The following PHYKPL variants were observed in gnomAD, a reference collection of about 807,000 sequenced individuals.
PHYKPL encodes 5-phosphohydroxy-L-lysine phospho-lyase, also known as 5-phosphonooxy-L-lysine phospho-lyase.
A neutral mutation model predicts 51.3 loss-of-function variants in PHYKPL; 42 were observed. That is an observed-to-expected ratio of 0.82 (90% CI 0.64 to 1.06). The LOEUF (loss-of-function observed/expected upper bound fraction) is 1.06. PHYKPL is among the 50% of genes least tolerant of loss of function. PHYKPL has a pLI of 0.00. For synonymous variants in PHYKPL, 264 were observed against 236.0 expected (o/e 1.12, Z -1.09); for missense variants, 655 against 586.6 (o/e 1.12, Z -1.20).
intron 12 of PHYKPL, chr5:178,210,785 T>TC: frequency 1.5e-6 from 1 of 654,664 alleles, no homozygotes. Flanking sequence ...GTTGACTATT[T>TC]CCAGAGCTCT....
intron 12 of PHYKPL, chr5:178,209,459 G>A (rs774619236): frequency 1.1e-5 from 17 of 1,608,856 alleles, no homozygotes; most frequent in African/African-American, 2.7e-5. Flanking sequence ...TGAGTGGAAC[G>A]TGGATGAAGA....
At chr5:178,231,292 C>T in intron 2 of PHYKPL, 113 bp downstream of exon 2, 3 of 1,540,084 alleles carry the variant, frequency 1.9e-6, no homozygotes, top group Non-Finnish European at 2.7e-6. Flanking sequence ...ACTGACAGTG[C>T]CTCAACTCCA....
chr5:178,210,194 C>G, intron 12 of PHYKPL: 3 of 1,612,784 alleles, frequency 1.9e-6, no homozygotes. Context: ...CGGCTACCAG[C>G]AGGGCTACGG....
chr5:178,221,361 C>G (rs1761138239), intron 8 of PHYKPL, among the ~76,000 whole-genome samples: 1 of 152,086 alleles, frequency 6.6e-6, no homozygotes, highest in Admixed American at 6.5e-5. Flanking sequence ...TCCCACAGCT[C>G]TTCACCCACC....
At chr5:178,221,179 TTCTA>T (rs1237966191) in intron 8 of PHYKPL, among the ~76,000 whole-genome samples, 1 of 152,136 alleles carries the variant, frequency 6.6e-6, no homozygotes, top group African/African-American at 2.4e-5. Flanking sequence ...GAACCAAGGA[TTCTA>T]TCTAATTATG....
chr5:178,207,281 G>C, downstream of PHYKPL: 2 of 1,604,466 alleles, frequency 1.2e-6, no homozygotes, highest in Non-Finnish European at 1.7e-6. Flanking sequence ...CTGGCCCTTA[G>C]AGGGATGGGT....
downstream of PHYKPL, chr5:178,207,274 G>A: frequency 1.9e-6 from 3 of 1,606,640 alleles, no homozygotes; most frequent in Non-Finnish European, 2.6e-6. Flanking sequence ...TGGAGAGCTG[G>A]CCCTTAGAGG....
intron 11 of PHYKPL, 70 bp downstream of exon 11, chr5:178,212,903 C>G: frequency 6.3e-7 from 1 of 1,587,504 alleles, no homozygotes; most frequent in Non-Finnish European, 8.6e-7. Flanking sequence ...CTGTTCCATG[C>G]TAGGAGGCTC....
intron 3 of PHYKPL, among the ~76,000 whole-genome samples, chr5:178,227,455 A>G (rs10063094): frequency 0.078 from 11,949 of 152,258 alleles, 514 homozygotes; most frequent in South Asian, 0.12. Flanking sequence ...GGAAGCGTCT[A>G]TGGGGAGGTG....
At chr5:178,227,716 G>C (rs976135619) in intron 3 of PHYKPL, among the ~76,000 whole-genome samples, 2 of 152,206 alleles carry the variant, frequency 1.3e-5, no homozygotes, top group East Asian at 3.9e-4. Flanking sequence ...TGAGAAAAGG[G>C]ACATAAGTCA....
intron 8 of PHYKPL, 71 bp downstream of exon 8, chr5:178,222,284 C>T (rs1761318200): frequency 1.0e-5 from 14 of 1,384,802 alleles, no homozygotes; most frequent in Admixed American, 2.1e-5. Flanking sequence ...CCTTTGCTGA[C>T]TAAGGACAGG....
intron 12 of PHYKPL, 195 bp downstream of exon 12, chr5:178,211,695 T>C (rs1284185429): frequency 1.7e-6 from 1 of 581,696 alleles, no homozygotes; most frequent in African/African-American, 1.9e-5. Context: ...CAAGGGAGGA[T>C]ATAGCTGTTC....
intron 4 of PHYKPL, 196 bp downstream of exon 4, chr5:178,225,159 G>T: frequency 3.2e-6 from 2 of 625,898 alleles, no homozygotes; most frequent in Non-Finnish European, 5.6e-6. Flanking sequence ...CCCCAGAGCT[G>T]CCTTCCCAGA....
At position 178,230,109 on chromosome 5, in the gene PHYKPL, G is replaced by A. The variant is rs1382669047; in HGVS notation, c.179-10C>T. 6.2e-7 allele frequency: 1 copy of A among 1,613,164 alleles called. No homozygotes were observed. Among genetic ancestry groups the A allele is most frequent in the East Asian group, 2.2e-5 (1 of 44,872 alleles). On this transcript the variant is annotated splice_polypyrimidine_tract_variant and intron_variant, in intron 2 of 12. Transcript: ENST00000308158. Reference sequence around the variant, plus strand: ...GGGTGGCAGTGCCCAACTGGAAGAGGGCCGCCTCCGTCACACGGCTGGCTC... The same window carrying A: ...GGGTGGCAGTGCCCAACTGGAAGAGAGCCGCCTCCGTCACACGGCTGGCTC...
At position 178,232,370 on chromosome 5, in the gene PHYKPL, G is replaced by C. The variant is rs1561759936; in HGVS notation, c.59+122C>G. 17 of 1,310,398 alleles carry C rather than the reference G, an allele frequency of 1.3e-5. No homozygotes were observed. In the South Asian group the frequency reaches 1.5e-4, roughly 12 times the overall value. The allele number at this position is 1,310,398 out of a possible 1,614,324, so 81.2% of individuals were successfully genotyped here. On this transcript the variant is annotated intron_variant, in intron 1 of 12. Coordinates refer to ENST00000308158, the MANE Select transcript of PHYKPL (RefSeq NM_153373.4). ...CGGGGCCGGGGCAGCGGCCGGACGG[G>C]ATGGGTAGCAGCGGCTTCCTAGCCG... is the stretch of plus-strand genomic sequence containing the variant.
Position 178,224,539 on chromosome 5 carries a change from C to A in PHYKPL, c.527G>T (p.Gly176Val), listed in dbSNP as rs1487680042. The A allele has an allele frequency of 1.9e-6, 3 of 1,614,076 alleles. No individual in the cohort carries two copies. Among genetic ancestry groups the A allele is most frequent in the Non-Finnish European group, 2.5e-6 (3 of 1,179,928 alleles). ...HVAPLPDTYR[G>V]PYREDHPNPA... ...GTTGGGGTGGTCCTCCCGGTAGGGGCCCCGGTAGGTGTCTGGGAGAGGTGC... is the reference window on the plus strand; with the variant it reads ...GTTGGGGTGGTCCTCCCGGTAGGGGACCCGGTAGGTGTCTGGGAGAGGTGC... The change falls in exon 6 of 13, where the codon GGC becomes GTC. Residue 176 changes from glycine (G) to valine (V), a missense_variant. Gly to Val is a moderately radical substitution (Grantham distance 109). Transcript: ENST00000308158.
Position 178,232,658 on chromosome 5 carries a change from G to T in PHYKPL, c.-108C>A. 1 of 1,187,402 alleles carries T rather than the reference G, an allele frequency of 8.4e-7. No homozygotes were observed. Among genetic ancestry groups the T allele is most frequent in the Non-Finnish European group, 1.1e-6 (1 of 949,270 alleles). 73.6% of individuals were successfully genotyped at this position (1,187,402 alleles called of 1,614,324 possible). ...CCCGCCCCTGCCTGGGTCGGGATTT[G>T]GGGCTCAGGTTCGCACTCGGCCCCG... On this transcript the variant is annotated 5_prime_UTR_variant, in exon 1 of 13. Coordinates refer to ENST00000308158, the MANE Select transcript of PHYKPL (RefSeq NM_153373.4).
intron 12 of PHYKPL, among the ~76,000 whole-genome samples, chr5:178,209,863 A>AG (rs1757645789): frequency 6.6e-6 from 1 of 152,134 alleles, no homozygotes. Flanking sequence ...TAAGCTGCCA[A>AG]GGAGAGTGGG....
intron 2 of PHYKPL, chr5:178,230,342 C>T (rs1281000543): frequency 2.5e-5 from 13 of 509,908 alleles, no homozygotes; most frequent in Non-Finnish European, 4.6e-5. Flanking sequence ...CTAGAAAGCC[C>T]ATGTCTTTAA....
Sources: gnomAD v4.1 joint callset for allele counts (sites outside exome capture counted in the v4.1 genomes callset) on GRCh38, gnomAD v4.1.1 for gene constraint, MANE v1.5 for transcripts, NCBI Gene and HGNC (gene_info 2026-07-23, HGNC 2026-07-21) for gene names.